FYB2: variants seen among roughly 807,000 people sequenced by gnomAD.
The protein encoded by FYB2 is FYN-binding protein 2.
FYB2 carries 103 observed loss-of-function variants against 94.1 expected under a neutral mutation model. The ratio of observed to expected loss-of-function variants is 1.09; its 90% confidence interval spans 0.93 to 1.29. The LOEUF is 1.29. Ranked by LOEUF, FYB2 falls within the 50% of genes most tolerant of loss-of-function variation. The pLI is 0.00. For missense variants in FYB2, 896 were observed against 841.5 expected, an observed-to-expected ratio of 1.06 and a Z score of -0.80; for synonymous variants, 293 against 287.9, an observed-to-expected ratio of 1.02 and a Z score of -0.18.
At chr1:56,793,566 A>G (rs1227883675) in intron 1 of FYB2, among the ~76,000 whole-genome samples, 2 of 152,144 alleles carry the variant, frequency 1.3e-5, no homozygotes, top group Non-Finnish European at 2.9e-5. Context: ...AAGGCACTGG[A>G]GACTATGAGA....
intron 15 of FYB2, among the ~76,000 whole-genome samples, chr1:56,731,015 G>A (rs1286244986): frequency 6.6e-6 from 1 of 152,120 alleles, no homozygotes; most frequent in African/African-American, 2.4e-5. Flanking sequence ...CAAGGCTGCA[G>A]TGAATCATGA....
rs375580950 is a variant in FYB2, at chr1:56,751,150, T to C, written c.1281A>G (p.Thr427=). ...PEKIQMTNVH[T]GRRNMLAGKQ... ...TTCCAGCCAACATGTTCCTTCTACC[T>C]GTGTGGACGTTGGTCATCTGAATTT... is the stretch of plus-strand genomic sequence containing the variant. The change falls in exon 9 of 20, where the codon ACA becomes ACG. Residue 427 remains threonine (T), a synonymous_variant. Transcript: ENST00000343433. 6.2e-6 allele frequency: 10 copies of C among 1,612,778 alleles called. No individual in the cohort carries two copies. In the African/African-American group the frequency reaches 6.7e-5, roughly 11 times the overall value.
intron 1 of FYB2, among the ~76,000 whole-genome samples, chr1:56,800,644 C>A (rs1646498698): frequency 6.6e-6 from 1 of 152,076 alleles, no homozygotes; most frequent in Non-Finnish European, 1.5e-5. Flanking sequence ...TAAAATGGGG[C>A]CAATAATACT....
chr1:56,746,644 G>A (rs1459494665), intron 9 of FYB2, among the ~76,000 whole-genome samples: 1 of 151,878 alleles, frequency 6.6e-6, no homozygotes, highest in Non-Finnish European at 1.5e-5. Flanking sequence ...TGCTCATTCA[G>A]ATGACTTTAT....
intron 4 of FYB2, among the ~76,000 whole-genome samples, chr1:56,780,004 A>C (rs1342384): frequency 0.19 from 28,720 of 152,062 alleles, 3,024 homozygotes; most frequent in East Asian, 0.28. Flanking sequence ...AATACTAATA[A>C]TAATATTGCC....
chr1:56,786,262 T>C (rs1646130527), intron 4 of FYB2, among the ~76,000 whole-genome samples: 1 of 152,198 alleles, frequency 6.6e-6, no homozygotes, highest in Non-Finnish European at 1.5e-5. Context: ...CACAGACTCA[T>C]GTATGCTATG....
rs141534558 is a variant in FYB2 at position 56,784,851 on chromosome 1, T to TA, written c.953+2323dup. Among the ~76,000 whole-genome samples, 1,169 of 152,292 alleles carry TA rather than the reference T, an allele frequency of 7.7e-3. 20 individuals are homozygous for TA. The highest frequency in any genetic ancestry group is 0.027 in the African/African-American group (1,132 of 41,570). On this transcript the variant is annotated intron_variant, in intron 4 of 19. Transcript: ENST00000343433. ...TATATCAGGGAACAATACCCTGCCTTACCACTTGATAGTCTCACAAAAGAG... is the reference window on the plus strand; with the variant it reads ...TATATCAGGGAACAATACCCTGCCTTAACCACTTGATAGTCTCACAAAAGAG...
At chr1:56,748,218 T>A (rs1446215974) in intron 9 of FYB2, among the ~76,000 whole-genome samples, 1 of 152,160 alleles carries the variant, frequency 6.6e-6, no homozygotes, top group Non-Finnish European at 1.5e-5. Flanking sequence ...CTGATGATAG[T>A]TGCTTTTGCT....
upstream of FYB2, among the ~76,000 whole-genome samples, chr1:56,822,057 C>A (rs1557144): frequency 0.43 from 66,111 of 152,060 alleles, 15,242 homozygotes; most frequent in South Asian, 0.57. Context: ...TGGCCTAAAG[C>A]CAGGAAGGTT....
intron 9 of FYB2, among the ~76,000 whole-genome samples, chr1:56,745,481 C>T (rs1481468134): frequency 3.3e-5 from 5 of 151,962 alleles, no homozygotes; most frequent in Non-Finnish European, 5.9e-5. Context: ...GAGACATCCT[C>T]GATTCATTTC....
chr1:56,788,154 T>C (rs1646174583), intron 3 of FYB2, among the ~76,000 whole-genome samples: 1 of 152,202 alleles, frequency 6.6e-6, no homozygotes, highest in African/African-American at 2.4e-5. Flanking sequence ...TAGGTGATTC[T>C]GATGTACACT....
chr1:56,777,858 C>T (rs1236578823), intron 4 of FYB2, among the ~76,000 whole-genome samples: 1 of 152,128 alleles, frequency 6.6e-6, no homozygotes. Context: ...CTTCTATAGT[C>T]TATTCTCCAC....
chr1:56,744,122 A>C (rs1389708145), intron 10 of FYB2, 30 bp downstream of exon 10: 2 of 1,611,396 alleles, frequency 1.2e-6, no homozygotes, highest in Non-Finnish European at 1.7e-6. Context: ...CATCACATTC[A>C]TCTTGCTGAA....
intron 9 of FYB2, among the ~76,000 whole-genome samples, chr1:56,747,432 G>A (rs1645093722): frequency 6.6e-6 from 1 of 151,898 alleles, no homozygotes; most frequent in African/African-American, 2.4e-5. Flanking sequence ...ACAGGCCCCA[G>A]TATGTGATGT....
At chr1:56,823,627 T>C (rs76664001), upstream of FYB2, 263 of 152,298 alleles carry the variant, frequency 1.7e-3, no homozygotes, top group African/African-American at 5.8e-3. Flanking sequence ...TGTAATAATA[T>C]AGTAAGAGCT....
chr1:56,760,485 A>C (rs1282116813), intron 5 of FYB2, among the ~76,000 whole-genome samples: 1 of 152,192 alleles, frequency 6.6e-6, no homozygotes, highest in East Asian at 1.9e-4. Flanking sequence ...ATAATACTTT[A>C]AATTAGGTAA....
At position 56,819,358 on chromosome 1, in the gene FYB2, A is replaced by C; in HGVS notation, c.-68T>G. 3 of 1,601,060 alleles carry C rather than the reference A, an allele frequency of 1.9e-6. No homozygotes were observed. The highest frequency in any genetic ancestry group is 2.6e-6 in the Non-Finnish European group (3 of 1,169,038). On this transcript the variant is annotated 5_prime_UTR_variant, in exon 1 of 20. Transcript: ENST00000343433. ...TCAGAGCTGGGTCCTGGGGCCAACA[A>C]TCCGCTTTCCTCTGTCTCTGCTAGC...
At chr1:56,750,173 G>A (rs1294127957) in intron 9 of FYB2, among the ~76,000 whole-genome samples, 1 of 151,838 alleles carries the variant, frequency 6.6e-6, no homozygotes, top group African/African-American at 2.4e-5. Flanking sequence ...TGTAAGGCAT[G>A]GTATAATTTT....
intron 1 of FYB2, among the ~76,000 whole-genome samples, chr1:56,802,036 G>C (rs1646533971): frequency 6.6e-6 from 1 of 152,118 alleles, no homozygotes; most frequent in African/African-American, 2.4e-5. Flanking sequence ...AAGGAGTTAG[G>C]ATTTTATTCC....
Sources: gnomAD v4.1 joint callset for allele counts (sites outside exome capture counted in the v4.1 genomes callset) on GRCh38, gnomAD v4.1.1 for gene constraint, MANE v1.5 for transcripts, NCBI Gene and HGNC (gene_info 2026-07-23, HGNC 2026-07-21) for gene names.